The following LIMS2 variants were observed in gnomAD, a reference collection of about 807,000 sequenced individuals.
The protein encoded by LIMS2 is LIM and senescent cell antigen-like-containing domain protein 2.
LIMS2 carries 30 observed loss-of-function variants against 45.3 expected under a neutral mutation model. That is an observed-to-expected ratio of 0.66 (90% CI 0.50 to 0.90). The LOEUF is 0.90. Among genes scored for constraint, LIMS2 ranks in the 40% least tolerant of loss-of-function variants. LIMS2 has a pLI of 0.00. For missense variants in LIMS2, 485 were observed against 468.7 expected, an observed-to-expected ratio of 1.03 and a Z score of -0.32; for synonymous variants, 173 against 188.0, an observed-to-expected ratio of 0.92 and a Z score of 0.65.
At chr2:127,674,552 C>A (rs1196686879) in intron 1 of LIMS2, 2 of 877,736 alleles carry the variant, frequency 2.3e-6, no homozygotes, top group South Asian at 1.0e-4. Flanking sequence ...TACCCTTCAA[C>A]ATTTTTAACA....
chr2:127,662,100 G>A (rs761718996), intron 1 of LIMS2, among the ~76,000 whole-genome samples: 7 of 152,180 alleles, frequency 4.6e-5, no homozygotes, highest in Admixed American at 1.3e-4. Context: ...GTCAGACCAA[G>A]GGTGTGTCCC....
intron 1 of LIMS2, among the ~76,000 whole-genome samples, chr2:127,669,361 G>A (rs531944408): frequency 7.2e-5 from 11 of 152,290 alleles, no homozygotes; most frequent in East Asian, 3.9e-4. Flanking sequence ...AAGTTAAAAC[G>A]TGTGTATCAA....
intron 7 of LIMS2, 100 bp downstream of exon 7, chr2:127,640,796 C>CAG: frequency 9.2e-7 from 1 of 1,082,628 alleles, no homozygotes; most frequent in South Asian, 1.3e-5. Flanking sequence ...CAGCACCTGG[C>CAG]AGAGCTCCTG....
In LIMS2 at chr2:127,640,150, G is replaced by A. The variant is rs1242049345; in HGVS notation, c.803-5C>T. ...CCTTGTTGAGGGCCGACACCACTGTGAGGGAAGCGTGGGACTCAGCAGGCC... is the reference window on the plus strand; with the variant it reads ...CCTTGTTGAGGGCCGACACCACTGTAAGGGAAGCGTGGGACTCAGCAGGCC... On this transcript the variant is annotated splice_polypyrimidine_tract_variant and splice_region_variant and intron_variant, in intron 8 of 9. Coordinates refer to ENST00000355119, the MANE Select transcript of LIMS2 (RefSeq NM_001161403.3). The A allele has an allele frequency of 1.1e-5, 18 of 1,613,342 alleles. No individual in the cohort carries two copies. Among genetic ancestry groups the A allele is most frequent in the Non-Finnish European group, 1.4e-5 (17 of 1,180,012 alleles).
chr2:127,676,114 G>A (rs1478927510), upstream of LIMS2, among the ~76,000 whole-genome samples: 1 of 152,232 alleles, frequency 6.6e-6, no homozygotes, highest in Non-Finnish European at 1.5e-5. Context: ...CCTGCCTAAA[G>A]GCAGATATTT....
intron 4 of LIMS2, chr2:127,652,144 A>C: frequency 3.9e-6 from 1 of 255,860 alleles, no homozygotes; most frequent in Non-Finnish European, 8.1e-6. Flanking sequence ...CAGGCTGCAA[A>C]TGACCCAGAA....
intron 1 of LIMS2, among the ~76,000 whole-genome samples, chr2:127,663,055 G>A (rs1398101758): frequency 2.6e-5 from 4 of 152,218 alleles, no homozygotes; most frequent in African/African-American, 9.6e-5. Flanking sequence ...AGTCACATGC[G>A]CATGCATGCT....
intron 4 of LIMS2, among the ~76,000 whole-genome samples, chr2:127,649,165 TAGGA>T (rs376330379): frequency 0.043 from 5,742 of 134,274 alleles, 146 homozygotes; most frequent in Non-Finnish European, 0.058. Flanking sequence ...GAGAGGAAGG[TAGGA>T]AGGAAGGAAG....
At position 127,675,144 on chromosome 2, in the gene LIMS2, A is replaced by C; in HGVS notation, c.-120T>G. ...GCCGCGGAGCAGGGAGACGCCCAAA[A>C]AAGGCCAAGAGCCGCTCCGCCCGCG... On this transcript the variant is annotated 5_prime_UTR_variant, in exon 1 of 10. Coordinates refer to ENST00000355119, the MANE Select transcript of LIMS2 (RefSeq NM_001161403.3). 2.0e-6 allele frequency: 2 copies of C among 990,912 alleles called. No individual in the cohort carries two copies. The highest frequency in any genetic ancestry group is 2.6e-6 in the Non-Finnish European group (2 of 772,128). The allele number at this position is 990,912 out of a possible 1,614,324, so 61.4% of individuals were successfully genotyped here. A position where few individuals can be genotyped will look rare whatever the true frequency, so the allele number is the denominator to read the frequency against.
At chr2:127,639,930 G>T in intron 9 of LIMS2, 140 bp downstream of exon 9, 1 of 842,818 alleles carries the variant, frequency 1.2e-6, no homozygotes, top group Non-Finnish European at 1.9e-6. Flanking sequence ...ATCTCCCTGG[G>T]TGGTATAAGG....
intron 4 of LIMS2, chr2:127,648,093 GAA>G (rs1245955609): frequency 2.0e-6 from 2 of 985,558 alleles, no homozygotes; most frequent in African/African-American, 3.5e-5. Context: ...CAGTCCTAGG[GAA>G]AGTGCCAGCC....
chr2:127,674,985 G>T (rs1685442445), intron 1 of LIMS2, 29 bp downstream of exon 1: 5 of 1,228,870 alleles, frequency 4.1e-6, no homozygotes, highest in Non-Finnish European at 5.1e-6. Flanking sequence ...CCGCCTCCCC[G>T]GCCCGGGGGC....
chr2:127,651,208 T>C (rs764559671), intron 4 of LIMS2: 28 of 1,609,860 alleles, frequency 1.7e-5, no homozygotes, highest in African/African-American at 2.7e-5. Context: ...CTGTGGGTGG[T>C]GGTGGCTGTG....
At chr2:127,665,912 A>C (rs1684976484) in intron 1 of LIMS2, among the ~76,000 whole-genome samples, 1 of 152,222 alleles carries the variant, frequency 6.6e-6, no homozygotes, top group Non-Finnish European at 1.5e-5. Context: ...CATAATCTGT[A>C]AATGAAGTTC....
chr2:127,642,025 C>G lies in LIMS2; in HGVS notation c.660+24G>C. 6.2e-7 allele frequency: 1 copy of G among 1,607,692 alleles called. No homozygotes were observed. Among genetic ancestry groups the G allele is most frequent in the African/African-American group, 1.3e-5 (1 of 74,938 alleles). ...GCTGGGGCACCCCCCAACCTGAGGC[C>G]ACGTGTCCACCAGCCTGGCTCACCT... is the stretch of plus-strand genomic sequence containing the variant. On this transcript the variant is annotated intron_variant, in intron 6 of 9. Transcript: ENST00000355119. This position sits in a 1 kb window ranked among gnomAD's most constrained non-coding sequence, Gnocchi z 5.3.
chr2:127,678,427 A>T (rs1685547715), upstream of LIMS2, among the ~76,000 whole-genome samples: 1 of 152,130 alleles, frequency 6.6e-6, no homozygotes, highest in Non-Finnish European at 1.5e-5. This position sits in a 1 kb window ranked among gnomAD's most constrained non-coding sequence, Gnocchi z 5.3. Flanking sequence ...ACTTTTTCAT[A>T]GCAAAAGGGG....
At chr2:127,652,634 A>G (rs2105283136) in intron 4 of LIMS2, 1 of 162,292 alleles carries the variant, frequency 6.2e-6, no homozygotes, top group South Asian at 2.1e-4. Flanking sequence ...TGTAGCTTTA[A>G]GACTACACAG....
intron 1 of LIMS2, chr2:127,673,841 GC>G: frequency 9.6e-7 from 1 of 1,046,606 alleles, no homozygotes. Flanking sequence ...ACCACAGGCA[GC>G]CAGTGGGCCT....
chr2:127,651,079 T>A (rs202004329), intron 4 of LIMS2: 1 of 1,613,716 alleles, frequency 6.2e-7, no homozygotes, highest in Non-Finnish European at 8.5e-7. Flanking sequence ...TACCTCAACA[T>A]GTACGCCAGC....
Sources: allele counts gnomAD v4.1 joint callset (sites outside exome capture counted in the v4.1 genomes callset), GRCh38; gene constraint gnomAD v4.1.1; non-coding constraint Gnocchi (gnomAD v3.1); transcripts MANE v1.5; gene names NCBI Gene and HGNC (gene_info 2026-07-23, HGNC 2026-07-21).